The following USP46 variants were observed in gnomAD, a reference collection of about 807,000 sequenced individuals.
USP46 encodes ubiquitin carboxyl-terminal hydrolase 46.
A neutral mutation model predicts 44.4 loss-of-function variants in USP46; 12 were observed. The observed-to-expected ratio is 0.27, with a 90% CI of 0.17 to 0.44. The LOEUF (loss-of-function observed/expected upper bound fraction) is 0.44, where lower values mean the gene tolerates loss of function less well. Ranked by LOEUF, USP46 falls within the 20% of genes least tolerant of loss-of-function variation. USP46 has a pLI of 1.00. For missense variants in USP46, 248 were observed against 444.8 expected, an observed-to-expected ratio of 0.56 and a Z score of 3.98; for synonymous variants, 155 against 161.5, an observed-to-expected ratio of 0.96 and a Z score of 0.31.
At chr4:52,642,895 T>C (rs1234264653) in intron 1 of USP46, among the ~76,000 whole-genome samples, 1 of 152,200 alleles carries the variant, frequency 6.6e-6, no homozygotes, top group Non-Finnish European at 1.5e-5. Flanking sequence ...AATACTTGGA[T>C]AGATACTGAC....
At chr4:52,623,644 GGCCA>G (rs1454461627) in intron 4 of USP46, among the ~76,000 whole-genome samples, 1 of 152,048 alleles carries the variant, frequency 6.6e-6, no homozygotes, top group Non-Finnish European at 1.5e-5. Context: ...AAAAAGTAGG[GGCCA>G]GGTGCAGTGG....
intron 1 of USP46, among the ~76,000 whole-genome samples, chr4:52,653,837 G>A (rs1423818895): frequency 6.6e-5 from 10 of 151,920 alleles, no homozygotes; most frequent in Non-Finnish European, 1.5e-4. Flanking sequence ...AGACCAGGAG[G>A]GGGAAAAAAA....
chr4:52,636,612 G>C (rs1439599531), intron 1 of USP46, among the ~76,000 whole-genome samples: 1 of 149,968 alleles, frequency 6.7e-6, no homozygotes, highest in East Asian at 2.0e-4. Context: ...AGGCTGAGGC[G>C]GGAGAATTGC....
chr4:52,609,807 T>G (rs1716852249), intron 5 of USP46, among the ~76,000 whole-genome samples: 1 of 142,222 alleles, frequency 7.0e-6, no homozygotes. Context: ...TCCAAGTGCC[T>G]CTAGCCTGCC....
At chr4:52,601,758 T>C (rs926960128) in intron 7 of USP46, 99 bp downstream of exon 7, 48 of 1,293,204 alleles carry the variant, frequency 3.7e-5, no homozygotes, top group Non-Finnish European at 4.5e-5. Context: ...CCCAAAACTA[T>C]TGAGTGCCAC....
intron 1 of USP46, among the ~76,000 whole-genome samples, chr4:52,648,015 ATC>A (rs1254085652): frequency 6.6e-6 from 1 of 152,226 alleles, no homozygotes; most frequent in African/African-American, 2.4e-5. Context: ...CTAGACATCA[ATC>A]TCTCTGCTTA....
At chr4:52,656,260 A>G in intron 1 of USP46, 1 of 1,548,610 alleles carries the variant, frequency 6.5e-7, no homozygotes, top group Non-Finnish European at 8.7e-7. Context: ...CCCACAGAGG[A>G]GCTAAGCAGT....
At chr4:52,599,343 G>A (rs1024131752) in intron 7 of USP46, among the ~76,000 whole-genome samples, 1 of 152,078 alleles carries the variant, frequency 6.6e-6, no homozygotes, top group Non-Finnish European at 1.5e-5. Context: ...AAGTGCAAAG[G>A]CCTGGGGTGG....
rs184600045 is a variant in USP46, at chr4:52,597,398, A to G, written c.*242T>C. Reference sequence around the variant, plus strand: ...CTTTCACCCAGTCCTAAAATTAGCAACCGTTATTCATATAAATCAGACTAC... The same window carrying G: ...CTTTCACCCAGTCCTAAAATTAGCAGCCGTTATTCATATAAATCAGACTAC... On this transcript the variant is annotated 3_prime_UTR_variant, in exon 9 of 9. Transcript: ENST00000441222. The G allele has an allele frequency of 7.3e-6, 3 of 409,912 alleles. No individual in the cohort carries two copies. The highest frequency in any genetic ancestry group is 1.0e-4 in the East Asian group (2 of 19,134). The allele number at this position is 409,912 out of a possible 1,614,324, so 25.4% of individuals were successfully genotyped here. A position where few individuals can be genotyped will look rare whatever the true frequency, so the allele number is the denominator to read the frequency against.
intron 4 of USP46, among the ~76,000 whole-genome samples, chr4:52,611,840 G>C (rs1232602000): frequency 6.6e-6 from 1 of 152,140 alleles, no homozygotes; most frequent in Non-Finnish European, 1.5e-5. Flanking sequence ...GCAGTGAGCT[G>C]AGATTGTGCC....
rs1718375911 is a variant in USP46, at chr4:52,642,383, C to T, written c.37-11239G>A. ...GAGGGCAGGGAACTATTCAAGTTCA[C>T]ACAGCTACTAAGTACTGGAATTGGG... On this transcript the variant is annotated intron_variant, in intron 1 of 8. Coordinates refer to ENST00000441222, the MANE Select transcript of USP46 (RefSeq NM_022832.4). 2.0e-5 allele frequency among the ~76,000 whole-genome samples: 3 copies of T among 152,194 alleles called. 1 individual carries two copies. Among genetic ancestry groups the T allele is most frequent in the African/African-American group, 7.2e-5 (3 of 41,440 alleles).
At chr4:52,618,375 AGCTATTC>A (rs1717246272) in intron 4 of USP46, among the ~76,000 whole-genome samples, 2 of 152,100 alleles carry the variant, frequency 1.3e-5, no homozygotes, top group Non-Finnish European at 2.9e-5. Flanking sequence ...CTATAATTCC[AGCTATTC>A]GGGAGGCTAA....
At chr4:52,638,140 T>A (rs1718184120) in intron 1 of USP46, among the ~76,000 whole-genome samples, 1 of 152,184 alleles carries the variant, frequency 6.6e-6, no homozygotes, top group South Asian at 2.1e-4. Flanking sequence ...AACCTTGAGA[T>A]GGGGAGATTA....
intron 4 of USP46, among the ~76,000 whole-genome samples, chr4:52,615,004 TACAC>T (rs1449132918): frequency 1.3e-5 from 2 of 151,526 alleles, no homozygotes; most frequent in Non-Finnish European, 2.9e-5. Flanking sequence ...TCACTAAAAA[TACAC>T]CCAGGCATGC....
intron 7 of USP46, among the ~76,000 whole-genome samples, chr4:52,599,920 A>G (rs1375109088): frequency 6.6e-6 from 1 of 152,022 alleles, no homozygotes. Flanking sequence ...AAACTCTGCC[A>G]GAGATAATCC....
chr4:52,604,184 A>C (rs560798526), intron 6 of USP46, among the ~76,000 whole-genome samples: 1 of 152,338 alleles, frequency 6.6e-6, no homozygotes, highest in South Asian at 2.1e-4. Flanking sequence ...ATCTCAAGAG[A>C]ATAGTGATTA....
chr4:52,597,758 A>C lies in USP46; in HGVS notation c.1000-17T>G. The C allele has an allele frequency of 6.6e-7, 1 of 1,525,586 alleles. No homozygotes were observed. The highest frequency in any genetic ancestry group is 8.9e-7 in the Non-Finnish European group (1 of 1,121,308). 94.5% of individuals were successfully genotyped at this position (1,525,586 alleles called of 1,614,324 possible). A position where few individuals can be genotyped will look rare whatever the true frequency, so the allele number is the denominator to read the frequency against. On this transcript the variant is annotated splice_polypyrimidine_tract_variant and intron_variant, in intron 8 of 8. Transcript: ENST00000441222. ...ATCTATTTTCTGCAATAAAGGAGAA[A>C]GAAAACAACACAATTACTTAACATG...
intron 1 of USP46, among the ~76,000 whole-genome samples, chr4:52,646,077 G>A (rs1464356145): frequency 6.6e-6 from 1 of 152,132 alleles, no homozygotes; most frequent in African/African-American, 2.4e-5. Flanking sequence ...CCAGTCTCAG[G>A]TAGTTCTTTA....
At chr4:52,653,732 T>A (rs1360869406) in intron 1 of USP46, among the ~76,000 whole-genome samples, 2 of 152,062 alleles carry the variant, frequency 1.3e-5, no homozygotes, top group Non-Finnish European at 2.9e-5. Flanking sequence ...ATGGGTAAGC[T>A]AGAGATAGAG....
Sources: allele counts gnomAD v4.1 joint callset (sites outside exome capture counted in the v4.1 genomes callset), GRCh38; gene constraint gnomAD v4.1.1; transcripts MANE v1.5; gene names NCBI Gene and HGNC (gene_info 2026-07-23, HGNC 2026-07-21).